The following CACNB4 variants were observed in gnomAD, a reference collection of about 807,000 sequenced individuals.
CACNB4 encodes voltage-dependent L-type calcium channel subunit beta-4.
A neutral mutation model predicts 71.2 loss-of-function variants in CACNB4; 32 were observed. The observed-to-expected ratio is 0.45, with a 90% confidence interval of 0.34 to 0.60. The LOEUF is 0.60. CACNB4 is among the 20% of genes least tolerant of loss of function. The probability of loss-of-function intolerance (pLI) is 0.01; values close to 1 mark genes in which losing one functional copy is unlikely to be tolerated. For missense variants in CACNB4, 464 were observed against 647.9 expected (o/e 0.72, Z 3.08); for synonymous variants, 231 against 236.9 (o/e 0.97, Z 0.23).
chr2:151,913,251 T>A (rs1251427602), intron 2 of CACNB4, among the ~76,000 whole-genome samples: 1 of 152,238 alleles, frequency 6.6e-6, no homozygotes, highest in African/African-American at 2.4e-5. Flanking sequence ...ATGCAGTTTC[T>A]TCATAATGTC....
chr2:151,842,335 T>TC (rs1325919157), intron 12 of CACNB4, among the ~76,000 whole-genome samples: 8 of 144,098 alleles, frequency 5.6e-5, no homozygotes, highest in African/African-American at 2.1e-4. Flanking sequence ...TTTTTTTTTT[T>TC]TTTTTTTTTT....
At chr2:152,028,974 T>C (rs146151350) in intron 2 of CACNB4, among the ~76,000 whole-genome samples, 274 of 152,290 alleles carry the variant, frequency 1.8e-3, no homozygotes, top group African/African-American at 6.3e-3. Context: ...AGACATTCCA[T>C]CCAGAAGAAA....
At chr2:151,858,470 C>A (rs1428546059) in intron 10 of CACNB4, 1 of 152,190 alleles carries the variant, frequency 6.6e-6, no homozygotes, top group African/African-American at 2.4e-5. Flanking sequence ...AATAGCTTCT[C>A]TTTAGAATTT....
intron 2 of CACNB4, among the ~76,000 whole-genome samples, chr2:151,921,025 C>A (rs1206050788): frequency 6.6e-6 from 1 of 151,922 alleles, no homozygotes. Context: ...CCTGTAGTCC[C>A]AGCTACTTGG....
At chr2:152,044,450 C>A (rs1685039119) in intron 2 of CACNB4, among the ~76,000 whole-genome samples, 1 of 152,182 alleles carries the variant, frequency 6.6e-6, no homozygotes, top group Non-Finnish European at 1.5e-5. Context: ...GAACTCCTGA[C>A]CTTGTGATCC....
Position 152,090,644 on chromosome 2 carries a change from A to G in CACNB4, c.147+7686T>C, listed in dbSNP as rs565696248. Among the ~76,000 whole-genome samples the G allele has an allele frequency of 2.8e-5, 4 of 144,704 alleles. 1 individual carries two copies. The South Asian group carries it at 8.6e-4, about 31-fold the overall frequency. The allele number at this position is 144,704 out of a possible 152,430, so 94.9% of individuals were successfully genotyped here. Reference sequence around the variant, plus strand: ...GGCAACAACAGCAAAACTCCATCTCAAAAAAAAAAAAGAAAAAAAGAAAGA... The same window carrying G: ...GGCAACAACAGCAAAACTCCATCTCGAAAAAAAAAAAGAAAAAAAGAAAGA... On this transcript the variant is annotated intron_variant, in intron 2 of 13. Coordinates refer to ENST00000539935, the MANE Select transcript of CACNB4 (RefSeq NM_000726.5).
intron 2 of CACNB4, among the ~76,000 whole-genome samples, chr2:152,032,435 C>A (rs938108279): frequency 6.6e-6 from 1 of 152,124 alleles, no homozygotes; most frequent in African/African-American, 2.4e-5. Flanking sequence ...TAGCTATCAA[C>A]TATTGATGGT....
intron 12 of CACNB4, chr2:151,851,872 T>C (rs2099839145): frequency 6.6e-6 from 1 of 152,210 alleles, no homozygotes; most frequent in Admixed American, 6.5e-5. Context: ...ACAAAGATTA[T>C]CTTCCTTCAA....
rs577447542 is a variant in CACNB4 at position 152,026,315 on chromosome 2, C to T, written c.147+72015G>A. Among the ~76,000 whole-genome samples the T allele has an allele frequency of 2.6e-5, 4 of 152,246 alleles. No individual in the cohort carries two copies. In the South Asian group the frequency reaches 6.2e-4, roughly 24 times the overall value. The stretch of plus-strand genomic sequence containing the variant: ...CTTTCCACTGGACTGTTTCCATCAG[C>T]GTCAACATATAAACATGCTATCATA... On this transcript the variant is annotated intron_variant, in intron 2 of 13. Transcript: ENST00000539935.
rs2099835328 is a variant in CACNB4, at chr2:151,838,273, T to C, written c.*846A>G. ...ACAACACCCCATTTTATATTTCACA[T>C]AACCAGCTATGCTTGGGCCTCTCTT... On this transcript the variant is annotated 3_prime_UTR_variant, in exon 14 of 14. Transcript: ENST00000539935. 1 of 152,640 alleles carries C rather than the reference T, an allele frequency of 6.6e-6. No individual in the cohort carries two copies. 9.5% of individuals were successfully genotyped at this position (152,640 alleles called of 1,614,324 possible).
chr2:151,949,993 A>C (rs962716966), intron 2 of CACNB4, among the ~76,000 whole-genome samples: 1 of 152,162 alleles, frequency 6.6e-6, no homozygotes, highest in African/African-American at 2.4e-5. Context: ...GGTTGCAGTG[A>C]GCTGAGATGG....
At chr2:151,885,509 T>C (rs1039024647) in intron 2 of CACNB4, among the ~76,000 whole-genome samples, 4 of 152,154 alleles carry the variant, frequency 2.6e-5, no homozygotes, top group African/African-American at 2.4e-5. Flanking sequence ...ACACAATAAA[T>C]CAACTTTTCA....
intron 4 of CACNB4, among the ~76,000 whole-genome samples, chr2:151,877,248 A>T (rs2099846670): frequency 1.3e-5 from 2 of 152,104 alleles, no homozygotes; most frequent in Non-Finnish European, 2.9e-5. Flanking sequence ...TCTCTGTTAC[A>T]ATTAGTTGAA....
chr2:151,910,519 A>T (rs13386624), intron 2 of CACNB4, among the ~76,000 whole-genome samples: 1 of 152,066 alleles, frequency 6.6e-6, no homozygotes, highest in Non-Finnish European at 1.5e-5. Flanking sequence ...TTTTCTGCAT[A>T]TGGCTAGCTA....
chr2:152,036,697 G>T (rs1356090346), intron 2 of CACNB4, among the ~76,000 whole-genome samples: 1 of 151,506 alleles, frequency 6.6e-6, no homozygotes, highest in East Asian at 1.9e-4. Flanking sequence ...ACCTCTAGAA[G>T]CAGACTTTCC....
intron 2 of CACNB4, among the ~76,000 whole-genome samples, chr2:151,987,314 C>T (rs948720849): frequency 1.3e-5 from 2 of 152,112 alleles, no homozygotes; most frequent in African/African-American, 4.8e-5. Context: ...AGTATACTCC[C>T]GTAGCTCAGT....
Position 151,916,573 on chromosome 2 carries a change from AT to A in CACNB4, c.148-33204del, listed in dbSNP as rs1405749332. Among the ~76,000 whole-genome samples, 4 of 152,338 alleles carry A rather than the reference AT, an allele frequency of 2.6e-5. No individual in the cohort carries two copies. In the East Asian group the frequency reaches 7.7e-4, roughly 29 times the overall value. ...ATGTTAAATCTTATCTTGATTACAA[AT>A]TGTTGAAGGGAAGGAATTATGCATA... On this transcript the variant is annotated intron_variant, in intron 2 of 13. Coordinates refer to ENST00000539935, the MANE Select transcript of CACNB4 (RefSeq NM_000726.5).
intron 2 of CACNB4, among the ~76,000 whole-genome samples, chr2:152,055,905 T>A (rs1579212523): frequency 1.3e-5 from 2 of 152,054 alleles, no homozygotes; most frequent in East Asian, 1.9e-4. Context: ...CGAAGCTCAG[T>A]ATGTTTATAT....
intron 2 of CACNB4, among the ~76,000 whole-genome samples, chr2:152,028,638 A>G (rs1191759164): frequency 1.3e-5 from 2 of 152,230 alleles, no homozygotes; most frequent in Non-Finnish European, 2.9e-5. Context: ...GAATCTGACC[A>G]AGGCTGAGAC....
Sources: allele counts gnomAD v4.1 joint callset (sites outside exome capture counted in the v4.1 genomes callset), GRCh38; gene constraint gnomAD v4.1.1; transcripts MANE v1.5; gene names NCBI Gene and HGNC (gene_info 2026-07-23, HGNC 2026-07-21).